Variants in SLC51B observed in about 807,000 individuals in gnomAD.
SLC51B encodes the protein SLC51 subunit beta, also known as organic solute transporter subunit beta.
A neutral mutation model predicts 8.0 loss-of-function variants in SLC51B; 6 were observed. The ratio of observed to expected loss-of-function variants is 0.75; its 90% CI spans 0.41 to 1.48. SLC51B has a LOEUF of 1.48. SLC51B is among the 40% of genes most tolerant of loss of function. The pLI, the probability that SLC51B is intolerant of heterozygous loss-of-function variation, is 0.01. For synonymous variants in SLC51B, 61 were observed against 54.8 expected, an observed-to-expected ratio of 1.11 and a Z score of -0.50; for missense variants, 150 against 149.7, an observed-to-expected ratio of 1.00 and a Z score of -0.01.
rs1273365416 is a variant in SLC51B at position 65,053,133 on chromosome 15, T to C, written c.356T>C (p.Phe119Ser). Residue 119 changes from phenylalanine (F) to serine (S), a missense_variant, in exon 4 of 4, where the codon TTC becomes TCC. Coordinates refer to ENST00000334287, the MANE Select transcript of SLC51B (RefSeq NM_178859.4). ...ELKERDVLSVFLPDVPETES is the reference protein window; with the variant it reads ...ELKERDVLSVSLPDVPETES ...AAAGAGAGAGATGTGCTGTCAGTTT[T>C]CCTTCCGGATGTACCAGAAACTGAG... is the stretch of plus-strand genomic sequence containing the variant. 2 of 1,614,030 alleles carry C rather than the reference T, an allele frequency of 1.2e-6. No homozygotes were observed. Among genetic ancestry groups the C allele is most frequent in the Non-Finnish European group, 1.7e-6 (2 of 1,180,050 alleles).
At chr15:65,052,155 C>T (rs189615823) in intron 3 of SLC51B, among the ~76,000 whole-genome samples, 15 of 152,158 alleles carry the variant, frequency 9.9e-5, no homozygotes, top group African/African-American at 3.6e-4. Flanking sequence ...GATGTGTACA[C>T]GATGGGGTTT....
chr15:65,053,332 T>C lies in SLC51B; in HGVS notation c.*168T>C. 1 of 1,418,790 alleles carries C rather than the reference T, an allele frequency of 7.0e-7. No individual in the cohort carries two copies. The highest frequency in any genetic ancestry group is 9.1e-7 in the Non-Finnish European group (1 of 1,093,596). 87.9% of individuals were successfully genotyped at this position (1,418,790 alleles called of 1,614,324 possible). A position where few individuals can be genotyped will look rare whatever the true frequency, so the allele number is the denominator to read the frequency against. ...TACAATGAATGAACTGCAAGCAAAC[T>C]AAAATTCTGTTATTAAAAAAAATCT... On this transcript the variant is annotated 3_prime_UTR_variant, in exon 4 of 4. Transcript: ENST00000334287.
In SLC51B at chr15:65,050,018, A is replaced by T; in HGVS notation, c.14A>T (p.Glu5Val). 1.3e-6 allele frequency: 2 copies of T among 1,551,350 alleles called. No homozygotes were observed. Among genetic ancestry groups the T allele is most frequent in the South Asian group, 2.4e-5 (2 of 84,016 alleles). MEHS[E>V]GAPGDPAGTV... ...AGGAGCAGGGGCATGGAGCACAGTG[A>T]GGGGGCTCCCGGAGACCCAGCCGGT... The change falls in exon 2 of 4, where the codon GAG (glutamate) becomes GTG (valine). Residue 5 changes from glutamate to valine, a missense_variant. Physicochemically the swap from Glu to Val is moderately radical, Grantham distance 121. Coordinates refer to ENST00000334287, the MANE Select transcript of SLC51B (RefSeq NM_178859.4).
At chr15:65,052,027 A>G (rs2086660307) in intron 3 of SLC51B, among the ~76,000 whole-genome samples, 1 of 152,042 alleles carries the variant, frequency 6.6e-6, no homozygotes, top group Non-Finnish European at 1.5e-5. Context: ...TCCCTCCACT[A>G]TGGCCAGGAA....
Position 65,049,956 on chromosome 15 carries a change from G to A in SLC51B, c.-49G>A. ...CCGAGGAGGCCAGGAGGGCTGCTGG[G>A]GCTAAGGGGTCTAAGGACCTCGTTG... is the stretch of plus-strand genomic sequence containing the variant. On this transcript the variant is annotated 5_prime_UTR_variant, in exon 2 of 4. Transcript: ENST00000334287. 6.8e-7 allele frequency: 1 copy of A among 1,468,322 alleles called. No individual in the cohort carries two copies. The highest frequency in any genetic ancestry group is 9.3e-7 in the Non-Finnish European group (1 of 1,079,318). The allele number at this position is 1,468,322 out of a possible 1,614,324, so 91.0% of individuals were successfully genotyped here. A position where few individuals can be genotyped will look rare whatever the true frequency, so the allele number is the denominator to read the frequency against.
rs192060346 is a variant in SLC51B at position 65,050,195 on chromosome 15, G to T, written c.97+94G>T. On this transcript the variant is annotated intron_variant, in intron 2 of 3. Transcript: ENST00000334287. ...GGTCCTGACACTGTCGTCCCCTCCA[G>T]GTCAGGCGGTACATTTCCTCCAAGA... 5.4e-4 allele frequency: 522 copies of T among 962,610 alleles called. 2 individuals are homozygous for T. In the African/African-American group the frequency reaches 6.8e-3, roughly 12 times the overall value. 59.6% of individuals were successfully genotyped at this position (962,610 alleles called of 1,614,324 possible).
rs576529981 is a variant in SLC51B at position 65,053,292 on chromosome 15, T to C, written c.*128T>C. ...TTTTTCTTTTTCTTTCTTTCTTTTT[T>C]TTTTTCTTAGCAGATACAATGAATG... On this transcript the variant is annotated 3_prime_UTR_variant, in exon 4 of 4. Coordinates refer to ENST00000334287, the MANE Select transcript of SLC51B (RefSeq NM_178859.4). The C allele has an allele frequency of 3.3e-5, 48 of 1,433,988 alleles. No homozygotes were observed. In the African/African-American group the frequency reaches 4.6e-4, roughly 14 times the overall value. The allele number at this position is 1,433,988 out of a possible 1,614,324, so 88.8% of individuals were successfully genotyped here.
chr15:65,047,791 T>C (rs2086595664), intron 1 of SLC51B, among the ~76,000 whole-genome samples: 2 of 109,388 alleles, frequency 1.8e-5, no homozygotes, highest in African/African-American at 3.5e-5. Flanking sequence ...GATAGATCGA[T>C]AGATGATAGA....
At chr15:65,050,913 T>C (rs1191036105) in intron 2 of SLC51B, among the ~76,000 whole-genome samples, 1 of 148,388 alleles carries the variant, frequency 6.7e-6, no homozygotes, top group East Asian at 2.1e-4. Context: ...GGTGCAATCT[T>C]GGCTCACTGC....
rs545729524 is a variant in SLC51B at position 65,046,171 on chromosome 15, G to A, written c.-109+589G>A. On this transcript the variant is annotated intron_variant, in intron 1 of 3. Coordinates refer to ENST00000334287, the MANE Select transcript of SLC51B (RefSeq NM_178859.4). ...CAAAAATTAGCTGGATGTGGTGGCG[G>A]GCACCTATAATCCCAGCTACTCAGG... Among the ~76,000 whole-genome samples, 3 of 152,276 alleles carry A rather than the reference G, an allele frequency of 2.0e-5. No homozygotes were observed. In the South Asian group the frequency reaches 6.2e-4, roughly 32 times the overall value.
chr15:65,049,152 G>A (rs1377088416), intron 1 of SLC51B: 1 of 151,794 alleles, frequency 6.6e-6, no homozygotes, highest in African/African-American at 2.4e-5. Flanking sequence ...TAGTAATAAT[G>A]CAGTTAGTAC....
rs780186955 is a variant in SLC51B, at chr15:65,051,541, G to A, written c.124G>A (p.Ala42Thr). Residue 42 changes from alanine to threonine, a missense_variant, in exon 3 of 4, where the codon GCC (alanine) becomes ACC (threonine). Transcript: ENST00000334287. Reference protein sequence around the residue: ...DASPWNHSILALAAVVVIISM... With the variant: ...DASPWNHSILTLAAVVVIISM... The stretch of plus-strand genomic sequence containing the variant: ...ATCTCCCTGGAATCATTCCATCCTT[G>A]CCCTGGCAGCTGTGGTGGTCATTAT... 6.2e-7 allele frequency: 1 copy of A among 1,613,740 alleles called. No homozygotes were observed. The highest frequency in any genetic ancestry group is 8.5e-7 in the Non-Finnish European group (1 of 1,179,812).
At position 65,053,102 on chromosome 15, in the gene SLC51B, G is replaced by T. The variant is rs2086677238; in HGVS notation, c.325G>T (p.Glu109Ter). Reference sequence around the variant, plus strand: ...GCCAAACTTGGCCCAGGTGGAACTTGAGTTAAAAGAGAGAGATGTGCTGTC... The same window carrying T: ...GCCAAACTTGGCCCAGGTGGAACTTTAGTTAAAAGAGAGAGATGTGCTGTC... ...EKPNLAQVEL[E>*]LKERDVLSVF... Residue 109 changes from glutamate to a stop codon, truncating the protein, a stop_gained, in exon 4 of 4, where the codon GAG becomes TAG. Transcript: ENST00000334287. LOFTEE classifies it low-confidence loss of function (END_TRUNC). 1 of 1,614,004 alleles carries T rather than the reference G, an allele frequency of 6.2e-7. No homozygotes were observed. Among genetic ancestry groups the T allele is most frequent in the African/African-American group, 1.3e-5 (1 of 74,904 alleles).
At chr15:65,048,097 C>A (rs926475498) in intron 1 of SLC51B, among the ~76,000 whole-genome samples, 1 of 151,790 alleles carries the variant, frequency 6.6e-6, no homozygotes. Context: ...ACGAGAACCG[C>A]TTGGACCCAG....
At chr15:65,051,075 C>T (rs538194773) in intron 2 of SLC51B, among the ~76,000 whole-genome samples, 8 of 152,154 alleles carry the variant, frequency 5.3e-5, no homozygotes, top group African/African-American at 1.7e-4. Context: ...AACTCCCGAC[C>T]TCAGGTGATC....
intron 1 of SLC51B, among the ~76,000 whole-genome samples, chr15:65,047,233 G>C (rs2086587535): frequency 6.6e-6 from 1 of 151,832 alleles, no homozygotes; most frequent in South Asian, 2.1e-4. Context: ...CTACTCAGGA[G>C]GCTGAGGCAA....
rs1408127013 is a variant in SLC51B, at chr15:65,051,577, C to T, written c.160C>T (p.Leu54Phe). 1.2e-6 allele frequency: 2 copies of T among 1,613,624 alleles called. No individual in the cohort carries two copies. The highest frequency in any genetic ancestry group is 1.3e-5 in the African/African-American group (1 of 74,976). The change falls in exon 3 of 4, where the codon CTC (leucine) becomes TTC (phenylalanine). Residue 54 changes from leucine (L) to phenylalanine (F), a missense_variant. Transcript: ENST00000334287. ...TGTGGTGGTCATTATAAGCATGGTCCTCCTGGGAAGAAGCATCCAGGCAAG... is the reference window on the plus strand; with the variant it reads ...TGTGGTGGTCATTATAAGCATGGTCTTCCTGGGAAGAAGCATCCAGGCAAG... ...AAVVVIISMVLLGRSIQASRK... is the reference protein window; with the variant it reads ...AAVVVIISMVFLGRSIQASRK...
intron 1 of SLC51B, 59 bp from the exon 2 acceptor site, chr15:65,049,838 C>G: frequency 4.1e-6 from 2 of 485,766 alleles, no homozygotes; most frequent in Non-Finnish European, 7.3e-6. Context: ...TGGATTTGGG[C>G]ACAGAGGGAG....
At chr15:65,051,411 C>A in intron 2 of SLC51B, 104 bp from the exon 3 acceptor site, 2 of 1,056,190 alleles carry the variant, frequency 1.9e-6, no homozygotes, top group Non-Finnish European at 2.9e-6. Flanking sequence ...ACGCAAAGGA[C>A]AGTTGATGCT....
Sources: allele counts gnomAD v4.1 joint callset (sites outside exome capture counted in the v4.1 genomes callset), GRCh38; gene constraint gnomAD v4.1.1; transcripts MANE v1.5; gene names NCBI Gene and HGNC (gene_info 2026-07-23, HGNC 2026-07-21).